SEMA5A: variants seen among roughly 807,000 people sequenced by gnomAD.
The protein encoded by SEMA5A is semaphorin 5A, also known as semaphorin-5A.
SEMA5A carries 55 observed loss-of-function variants against 135.5 expected under a neutral mutation model. The ratio of observed to expected loss-of-function variants is 0.41; its 90% CI spans 0.33 to 0.51. SEMA5A has a LOEUF of 0.51. Among genes scored for constraint, SEMA5A ranks in the 20% least tolerant of loss-of-function variants. The pLI is 0.37. For synonymous variants in SEMA5A, 580 were observed against 546.5 expected (o/e 1.06, Z -0.85); for missense variants, 1,290 against 1,419.9 (o/e 0.91, Z 1.47).
intron 13 of SEMA5A, among the ~76,000 whole-genome samples, chr5:9,127,914 G>A: frequency 6.6e-6 from 1 of 152,114 alleles, no homozygotes; most frequent in East Asian, 1.9e-4. Context: ...AGGCCAGAAG[G>A]AAGTACAATA....
chr5:9,450,210 C>T (rs968262367), intron 1 of SEMA5A, among the ~76,000 whole-genome samples: 1 of 152,186 alleles, frequency 6.6e-6, no homozygotes, highest in African/African-American at 2.4e-5. Context: ...AGGAGAAGGG[C>T]TGCTCATGAA....
At chr5:9,351,469 GT>G (rs34346753) in intron 3 of SEMA5A, among the ~76,000 whole-genome samples, 3,523 of 148,452 alleles carry the variant, frequency 0.024, 128 homozygotes, top group African/African-American at 0.082. Flanking sequence ...AGCCCCCACC[GT>G]TTTTTTTTCA....
At chr5:9,288,378 A>T (rs1750905491) in intron 5 of SEMA5A, among the ~76,000 whole-genome samples, 1 of 152,210 alleles carries the variant, frequency 6.6e-6, no homozygotes, top group African/African-American at 2.4e-5. Context: ...ACCCAGTGGC[A>T]GCCAGTGGTG....
At chr5:9,213,574 C>A (rs563549037) in intron 8 of SEMA5A, among the ~76,000 whole-genome samples, 19 of 152,272 alleles carry the variant, frequency 1.2e-4, no homozygotes, top group Admixed American at 3.3e-4. Context: ...GCTTTCCAGG[C>A]AGAACAGCGC....
intron 16 of SEMA5A, among the ~76,000 whole-genome samples, chr5:9,078,586 T>TACAC (rs145598030): frequency 1.8e-4 from 27 of 146,468 alleles, no homozygotes; most frequent in Admixed American, 5.5e-4. Flanking sequence ...GCTGGGTATG[T>TACAC]ACACACACAC....
intron 2 of SEMA5A, among the ~76,000 whole-genome samples, chr5:9,406,368 C>T (rs185847548): frequency 6.6e-6 from 1 of 152,254 alleles, no homozygotes; most frequent in Admixed American, 6.5e-5. Flanking sequence ...ATAATTAGTC[C>T]TAGAAAAGTA....
intron 5 of SEMA5A, among the ~76,000 whole-genome samples, chr5:9,253,434 C>T (rs1748906461): frequency 6.6e-6 from 1 of 152,014 alleles, no homozygotes; most frequent in African/African-American, 2.4e-5. Context: ...TACATTCAAA[C>T]AGCAATTAAA....
chr5:9,506,208 T>C (rs1175126289), intron 1 of SEMA5A, among the ~76,000 whole-genome samples: 4 of 152,240 alleles, frequency 2.6e-5, no homozygotes, highest in Non-Finnish European at 5.9e-5. Flanking sequence ...GACACTCTTT[T>C]AGCAGGCTAT....
chr5:9,105,664 G>A (rs1184431585), intron 16 of SEMA5A, among the ~76,000 whole-genome samples: 1 of 152,034 alleles, frequency 6.6e-6, no homozygotes, highest in Non-Finnish European at 1.5e-5. Context: ...GCTCTCAGTA[G>A]GAAAAACCAT....
intron 2 of SEMA5A, among the ~76,000 whole-genome samples, chr5:9,429,316 A>T (rs966892178): frequency 6.6e-6 from 1 of 152,172 alleles, no homozygotes; most frequent in Admixed American, 6.5e-5. Context: ...CATGCGATTC[A>T]GAAAGTCCCA....
chr5:9,076,527 A>C (rs949677442), intron 16 of SEMA5A, among the ~76,000 whole-genome samples: 3 of 152,190 alleles, frequency 2.0e-5, no homozygotes, highest in Admixed American at 6.5e-5. Context: ...GCAGAAATGC[A>C]TTGTACTTGG....
intron 16 of SEMA5A, among the ~76,000 whole-genome samples, chr5:9,070,334 G>A (rs1737708059): frequency 6.6e-6 from 1 of 152,156 alleles, no homozygotes; most frequent in South Asian, 2.1e-4. Flanking sequence ...TTGTGCCACT[G>A]CACTCCAGCC....
chr5:9,497,882 G>A (rs1735384086), intron 1 of SEMA5A, among the ~76,000 whole-genome samples: 1 of 152,142 alleles, frequency 6.6e-6, no homozygotes, highest in East Asian at 1.9e-4. Flanking sequence ...ACTGCTTAGA[G>A]GAAGATTCAT....
intron 2 of SEMA5A, among the ~76,000 whole-genome samples, chr5:9,420,427 C>T (rs1416102472): frequency 1.3e-5 from 2 of 152,122 alleles, no homozygotes; most frequent in African/African-American, 4.8e-5. Flanking sequence ...CACAGGGTTA[C>T]TCCTATGCTG....
intron 3 of SEMA5A, among the ~76,000 whole-genome samples, chr5:9,372,541 C>T (rs1434171662): frequency 6.6e-6 from 1 of 152,034 alleles, no homozygotes; most frequent in Non-Finnish European, 1.5e-5. Context: ...CATGGACACA[C>T]ATAAAGACAT....
chr5:9,301,541 T>C (rs1182671245), intron 5 of SEMA5A, among the ~76,000 whole-genome samples: 2 of 152,182 alleles, frequency 1.3e-5, no homozygotes, highest in Non-Finnish European at 2.9e-5. Context: ...CAATGGCCTC[T>C]GTTGGGCCTT....
Position 9,045,060 on chromosome 5 carries a change from C to T in SEMA5A, c.2894-476G>A, listed in dbSNP as rs149542251. Among the ~76,000 whole-genome samples the T allele has an allele frequency of 5.0e-3, 757 of 152,244 alleles. 9 individuals are homozygous for T. Among genetic ancestry groups the T allele is most frequent in the African/African-American group, 0.018 (740 of 41,538 alleles). On this transcript the variant is annotated intron_variant, in intron 21 of 22. Transcript: ENST00000382496. ...TCAGCCTCTCAAAGTGCTGGGATTA[C>T]AGGTGTGAGCCACTGTGCCTGGCAG... is the stretch of plus-strand genomic sequence containing the variant.
intron 16 of SEMA5A, among the ~76,000 whole-genome samples, chr5:9,067,280 A>G (rs566687047): frequency 6.6e-6 from 1 of 152,276 alleles, no homozygotes; most frequent in Non-Finnish European, 1.5e-5. Flanking sequence ...GATCCTGGGT[A>G]GCTGAACATG....
At position 9,183,575 on chromosome 5, in the gene SEMA5A, C is replaced by G. The variant is rs1051978198; in HGVS notation, c.1273+6692G>C. Among the ~76,000 whole-genome samples, 3 of 152,138 alleles carry G rather than the reference C, an allele frequency of 2.0e-5. 1 individual carries two copies. The highest frequency in any genetic ancestry group is 7.2e-5 in the African/African-American group (3 of 41,436). On this transcript the variant is annotated intron_variant, in intron 11 of 22. Transcript: ENST00000382496. Reference sequence around the variant, plus strand: ...GGGCAGCTGAGGCAGAGCAAATGGCCAAGGGTTCAGGGTCAAGTAAGGCTG... The same window carrying G: ...GGGCAGCTGAGGCAGAGCAAATGGCGAAGGGTTCAGGGTCAAGTAAGGCTG...
Sources: allele counts gnomAD v4.1 joint callset (sites outside exome capture counted in the v4.1 genomes callset), GRCh38; gene constraint gnomAD v4.1.1; transcripts MANE v1.5; gene names NCBI Gene and HGNC (gene_info 2026-07-23, HGNC 2026-07-21).